Variants in TNFAIP8 observed in about 807,000 individuals in gnomAD.
TNFAIP8 encodes TNF alpha induced protein 8.
TNFAIP8 carries 7 observed loss-of-function variants against 13.3 expected under a neutral mutation model. The observed-to-expected ratio is 0.52, with a 90% CI of 0.30 to 0.99. The LOEUF is 0.99. Ranked by LOEUF, TNFAIP8 falls within the 50% of genes least tolerant of loss-of-function variation. The pLI, the probability that TNFAIP8 is intolerant of heterozygous loss-of-function variation, is 0.07. For missense variants in TNFAIP8, 258 were observed against 236.9 expected, an observed-to-expected ratio of 1.09 and a Z score of -0.58; for synonymous variants, 94 against 87.6, an observed-to-expected ratio of 1.07 and a Z score of -0.41.
At chr5:119,291,630 A>G (rs934259890) in intron 1 of TNFAIP8, among the ~76,000 whole-genome samples, 1 of 152,216 alleles carries the variant, frequency 6.6e-6, no homozygotes, top group East Asian at 1.9e-4. Context: ...TGAATAGTGA[A>G]AGGCAGCCTC....
chr5:119,365,206 A>AT (rs936890045), intron 1 of TNFAIP8, among the ~76,000 whole-genome samples: 5 of 151,612 alleles, frequency 3.3e-5, no homozygotes, highest in African/African-American at 1.2e-4. Flanking sequence ...CTCTCCTCGT[A>AT]TTTTTTTCTT....
chr5:119,333,117 C>A, intron 1 of TNFAIP8: 179 of 549,000 alleles, frequency 3.3e-4, no homozygotes, highest in East Asian at 3.6e-4. Flanking sequence ...TTTTTTTTTT[C>A]TAAGTATCTG....
chr5:119,306,324 C>CTTTTTTT (rs753326772), intron 1 of TNFAIP8: 1 of 104,482 alleles, frequency 9.6e-6, no homozygotes, highest in Non-Finnish European at 1.8e-5. Flanking sequence ...CTTTCTTTTT[C>CTTTTTTT]TTTTTTTTTT....
At chr5:119,380,442 C>T (rs950525312) in intron 1 of TNFAIP8, among the ~76,000 whole-genome samples, 4 of 152,078 alleles carry the variant, frequency 2.6e-5, no homozygotes, top group African/African-American at 9.7e-5. Context: ...TCTGGCAGGA[C>T]GGGAGAATTT....
chr5:119,391,417 G>A (rs1216652768), intron 1 of TNFAIP8: 2 of 702,386 alleles, frequency 2.8e-6, no homozygotes, highest in Middle Eastern at 2.3e-4. Flanking sequence ...ACTCGACTCA[G>A]AGATTGAGTA....
chr5:119,286,051 C>T (rs1454434557), intron 1 of TNFAIP8, among the ~76,000 whole-genome samples: 1 of 151,936 alleles, frequency 6.6e-6, no homozygotes, highest in African/African-American at 2.4e-5. Context: ...TTTATACTGT[C>T]TGTGTGTTTA....
intron 1 of TNFAIP8, among the ~76,000 whole-genome samples, chr5:119,286,415 A>T (rs1193228638): frequency 6.6e-6 from 1 of 152,092 alleles, no homozygotes; most frequent in Non-Finnish European, 1.5e-5. Flanking sequence ...AGGTCAGGAG[A>T]TCGAGACCAT....
At position 119,368,935 on chromosome 5, in the gene TNFAIP8, C is replaced by T. The variant is rs1461952598; in HGVS notation, c.31+12814C>T. Among the ~76,000 whole-genome samples, 7 of 151,992 alleles carry T rather than the reference C, an allele frequency of 4.6e-5. No homozygotes were observed. In the South Asian group the frequency reaches 6.2e-4, roughly 14 times the overall value. On this transcript the variant is annotated intron_variant, in intron 1 of 1. Transcript: ENST00000504771. ...CTGTACATTGAGCTTGATAAAACTC[C>T]GGCCTTTTGAAAATACTGGAATCCT...
chr5:119,394,475 T>C lies in TNFAIP8; in HGVS notation c.*1094T>C, dbSNP rs1401152740. 6.6e-6 allele frequency: 1 copy of C among 152,186 alleles called. No individual in the cohort carries two copies. The highest frequency in any genetic ancestry group is 1.5e-5 in the Non-Finnish European group (1 of 68,038). 9.4% of individuals were successfully genotyped at this position (152,186 alleles called of 1,614,324 possible). A position where few individuals can be genotyped will look rare whatever the true frequency, so the allele number is the denominator to read the frequency against. ...TTTGTGTGGTGTTTCTATATAATTT[T>C]CTGTGTATAAATAATAAAGTAGGCA... On this transcript the variant is annotated 3_prime_UTR_variant, in exon 2 of 2. Transcript: ENST00000504771.
intron 1 of TNFAIP8, among the ~76,000 whole-genome samples, chr5:119,281,306 A>ACACACATTCACACACACTCTCT: frequency 8.8e-6 from 1 of 114,134 alleles, no homozygotes; most frequent in African/African-American, 3.1e-5. Flanking sequence ...ACACACACAC[A>ACACACATTCACACACACTCTCT]CTCTCTCTCT....
At chr5:119,298,940 C>G (rs1233686603) in intron 1 of TNFAIP8, among the ~76,000 whole-genome samples, 3 of 152,170 alleles carry the variant, frequency 2.0e-5, no homozygotes, top group Admixed American at 1.3e-4. Flanking sequence ...GTTCTCAAGC[C>G]TTGGCTTTCA....
At chr5:119,286,715 GT>G (rs1215672573) in intron 1 of TNFAIP8, among the ~76,000 whole-genome samples, 1 of 152,018 alleles carries the variant, frequency 6.6e-6, no homozygotes, top group Non-Finnish European at 1.5e-5. Flanking sequence ...TTTGGGCAAT[GT>G]TTGTGGTGGC....
At chr5:119,297,524 A>C (rs1021191253) in intron 1 of TNFAIP8, among the ~76,000 whole-genome samples, 1 of 152,120 alleles carries the variant, frequency 6.6e-6, no homozygotes, top group South Asian at 2.1e-4. Flanking sequence ...CTTTACTTCC[A>C]ACTATGTGGT....
intron 1 of TNFAIP8, among the ~76,000 whole-genome samples, chr5:119,335,999 G>A (rs914899609): frequency 6.6e-6 from 1 of 151,954 alleles, no homozygotes; most frequent in African/African-American, 2.4e-5. Context: ...GATATCCTGG[G>A]GGAAGAACTT....
At chr5:119,321,257 A>C (rs1298695624) in intron 1 of TNFAIP8, among the ~76,000 whole-genome samples, 3 of 152,156 alleles carry the variant, frequency 2.0e-5, no homozygotes, top group African/African-American at 7.2e-5. Context: ...TAGTTAATTG[A>C]GAACCTTTGG....
chr5:119,298,705 C>T (rs889470338), intron 1 of TNFAIP8, among the ~76,000 whole-genome samples: 1 of 152,108 alleles, frequency 6.6e-6, no homozygotes, highest in Non-Finnish European at 1.5e-5. Context: ...AGAGTGTTTT[C>T]CAACTAGGTT....
chr5:119,314,935 G>A (rs1388700353), intron 1 of TNFAIP8, among the ~76,000 whole-genome samples: 2 of 152,140 alleles, frequency 1.3e-5, no homozygotes. Flanking sequence ...AGGCTGGAGT[G>A]CAGTGGCATG....
chr5:119,349,713 A>G (rs994590950), intron 1 of TNFAIP8, among the ~76,000 whole-genome samples: 9 of 152,280 alleles, frequency 5.9e-5, no homozygotes, highest in African/African-American at 2.2e-4. Flanking sequence ...TATTGAATTT[A>G]TAGCATATTT....
intron 1 of TNFAIP8, among the ~76,000 whole-genome samples, chr5:119,356,649 G>T (rs1343704531): frequency 1.3e-5 from 2 of 151,822 alleles, no homozygotes; most frequent in Admixed American, 6.6e-5. Context: ...AGTTCATTTC[G>T]TTGGGGGTTT....
Sources: gnomAD v4.1 joint callset for allele counts (sites outside exome capture counted in the v4.1 genomes callset) on GRCh38, gnomAD v4.1.1 for gene constraint, MANE v1.5 for transcripts, NCBI Gene and HGNC (gene_info 2026-07-23, HGNC 2026-07-21) for gene names.